The following CCDC73 variants were observed in gnomAD, a reference collection of about 807,000 sequenced individuals.
The protein encoded by CCDC73 is coiled-coil domain-containing protein 73.
In CCDC73, 95 loss-of-function variants were observed where a neutral mutation model predicts 116.5. That is an observed-to-expected ratio of 0.82 (90% confidence interval 0.69 to 0.97). The LOEUF is 0.97. Among genes scored for constraint, CCDC73 ranks in the 50% least tolerant of loss-of-function variants. The pLI, the probability that CCDC73 is intolerant of heterozygous loss-of-function variation, is 0.00. For missense variants in CCDC73, 1,066 were observed against 1,206.8 expected (o/e 0.88, Z 1.73); for synonymous variants, 398 against 401.3 (o/e 0.99, Z 0.10).
chr11:32,813,536 G>T, the CCDC73 span, among the ~76,000 whole-genome samples: 1 of 152,152 alleles, frequency 6.6e-6, no homozygotes, highest in Admixed American at 6.5e-5. Flanking sequence ...GGAATTACAG[G>T]TATGAGTCAC....
intron 14 of CCDC73, among the ~76,000 whole-genome samples, chr11:32,629,612 A>C (rs950498723): frequency 6.6e-6 from 1 of 151,942 alleles, no homozygotes; most frequent in Non-Finnish European, 1.5e-5. Flanking sequence ...GTTAGCCAGG[A>C]TGGTCTCGAT....
At chr11:32,721,596 C>CTT (rs751028003) in intron 2 of CCDC73, among the ~76,000 whole-genome samples, 10 of 141,010 alleles carry the variant, frequency 7.1e-5, no homozygotes, top group African/African-American at 1.3e-4. Context: ...CTATGACTCA[C>CTT]TTTTTTTTTT....
intron 6 of CCDC73, among the ~76,000 whole-genome samples, chr11:32,690,176 C>T (rs1469893884): frequency 1.3e-5 from 2 of 151,602 alleles, no homozygotes; most frequent in Non-Finnish European, 2.9e-5. Flanking sequence ...TTAAATTGTT[C>T]CCAAAAAATA....
At chr11:32,821,803 T>C in the CCDC73 span, among the ~76,000 whole-genome samples, 1 of 152,220 alleles carries the variant, frequency 6.6e-6, no homozygotes, top group African/African-American at 2.4e-5. Context: ...TTACTAAATT[T>C]CCTTGTGCAA....
chr11:32,653,834 C>T lies in CCDC73; in HGVS notation c.834+144G>A, dbSNP rs115956601. 793 of 893,300 alleles carry T rather than the reference C, an allele frequency of 8.9e-4. 7 individuals carry two copies. The African/African-American group carries it at 0.013, about 14-fold the overall frequency. 55.3% of individuals were successfully genotyped at this position (893,300 alleles called of 1,614,324 possible). The stretch of plus-strand genomic sequence containing the variant: ...ATTTTTTAATGAAAGTATATTGAGA[C>T]TGATTTTAAAAAGTATACACATGTA... On this transcript the variant is annotated intron_variant, in intron 11 of 17. Coordinates refer to ENST00000335185, the MANE Select transcript of CCDC73 (RefSeq NM_001008391.4).
At chr11:32,802,292 A>G in the CCDC73 span, among the ~76,000 whole-genome samples, 1 of 152,216 alleles carries the variant, frequency 6.6e-6, no homozygotes, top group African/African-American at 2.4e-5. Flanking sequence ...TACTAATATC[A>G]TGAAGGCATG....
chr11:32,823,680 C>T, the CCDC73 span, among the ~76,000 whole-genome samples: 2 of 151,470 alleles, frequency 1.3e-5, no homozygotes, highest in Admixed American at 1.3e-4. Flanking sequence ...ATAATATCAC[C>T]TGATAACACA....
At chr11:32,699,702 G>C (rs1849791914) in intron 5 of CCDC73, among the ~76,000 whole-genome samples, 1 of 152,034 alleles carries the variant, frequency 6.6e-6, no homozygotes, top group Admixed American at 6.6e-5. Flanking sequence ...GGACACAGAA[G>C]GGGAACATCA....
In CCDC73 at chr11:32,613,478, GAAATGATC is replaced by G. The variant is rs1218056971; in HGVS notation, c.2832_2839del (p.Lys944AsnfsTer6). The G allele has an allele frequency of 6.2e-7, 1 of 1,613,862 alleles. No individual in the cohort carries two copies. The highest frequency in any genetic ancestry group is 8.5e-7 in the Non-Finnish European group (1 of 1,179,946). On this transcript the variant is annotated frameshift_variant, in exon 16 of 18. Transcript: ENST00000335185. LOFTEE classifies it high-confidence loss of function. ...ACCAATATTTTTACAAAGAGCCATTGAAATGATCTTTTTGTTTTCTGATGGATCTAGTG... is the reference window on the plus strand; with the variant it reads ...ACCAATATTTTTACAAAGAGCCATTGTTTTTGTTTTCTGATGGATCTAGTG...
At chr11:32,736,063 A>G (rs369345515) in intron 2 of CCDC73, among the ~76,000 whole-genome samples, 1 of 152,030 alleles carries the variant, frequency 6.6e-6, no homozygotes, top group African/African-American at 2.4e-5. Context: ...AACCCTAGAA[A>G]AAAACCTAGG....
At chr11:32,790,389 G>T (rs1850664430) in intron 1 of CCDC73, among the ~76,000 whole-genome samples, 1 of 151,974 alleles carries the variant, frequency 6.6e-6, no homozygotes, top group African/African-American at 2.4e-5. Context: ...TTCTGTTATT[G>T]TCTATTCCAC....
At chr11:32,634,741 ATATAT>A (rs1855662991) in intron 14 of CCDC73, among the ~76,000 whole-genome samples, 2 of 152,222 alleles carry the variant, frequency 1.3e-5, no homozygotes, top group South Asian at 2.1e-4. Context: ...CAACATGATC[ATATAT>A]TATAGAAACC....
rs547422527 is a variant in CCDC73 at position 32,687,421 on chromosome 11, G to A, written c.391-3847C>T. ...GAGGACATCCACATAAGGAAAGAGG[G>A]GGCAGCAGAATGGTGGACTGGTTAT... On this transcript the variant is annotated intron_variant, in intron 6 of 17. Coordinates refer to ENST00000335185, the MANE Select transcript of CCDC73 (RefSeq NM_001008391.4). Among the ~76,000 whole-genome samples the A allele has an allele frequency of 2.0e-5, 3 of 152,236 alleles. No individual in the cohort carries two copies. The South Asian group carries it at 6.2e-4, about 32-fold the overall frequency.
At chr11:32,662,114 T>G (rs570301662) in intron 9 of CCDC73, among the ~76,000 whole-genome samples, 1 of 152,376 alleles carries the variant, frequency 6.6e-6, no homozygotes, top group Non-Finnish European at 1.5e-5. Context: ...TTCCAAGTCT[T>G]TGCTATTGTG....
At chr11:32,799,066 C>T (rs1007396931), upstream of CCDC73, among the ~76,000 whole-genome samples, 2 of 150,350 alleles carry the variant, frequency 1.3e-5, no homozygotes, top group Non-Finnish European at 3.0e-5. Flanking sequence ...TGCACCACCA[C>T]ACTTGGCTAA....
intron 1 of CCDC73, among the ~76,000 whole-genome samples, chr11:32,771,222 C>A (rs771103806): frequency 4.6e-5 from 7 of 152,108 alleles, no homozygotes; most frequent in Middle Eastern, 3.2e-3. Flanking sequence ...GCCTTTGGAT[C>A]ATCAAAGAAC....
At chr11:32,737,231 C>CTGTGTGTGTGTGTG (rs200606807) in intron 2 of CCDC73, among the ~76,000 whole-genome samples, 11 of 137,560 alleles carry the variant, frequency 8.0e-5, no homozygotes. Context: ...CATAGTAGGG[C>CTGTGTGTGTGTGTG]TGTGTGTGTG....
At chr11:32,713,143 T>G (rs76885760) in intron 3 of CCDC73, among the ~76,000 whole-genome samples, 12,094 of 152,138 alleles carry the variant, frequency 0.079, 503 homozygotes, top group Non-Finnish European at 0.091. Context: ...ACATGTAATC[T>G]TGTTTGTTGA....
intron 9 of CCDC73, among the ~76,000 whole-genome samples, chr11:32,674,010 C>G (rs1016538454): frequency 6.6e-6 from 1 of 152,110 alleles, no homozygotes. Context: ...GAATAAATAC[C>G]CTGATTCACT....
Sources: gnomAD v4.1 joint callset for allele counts (sites outside exome capture counted in the v4.1 genomes callset) on GRCh38, gnomAD v4.1.1 for gene constraint, MANE v1.5 for transcripts, NCBI Gene and HGNC (gene_info 2026-07-23, HGNC 2026-07-21) for gene names.